The following LEF1 variants were observed in gnomAD, a reference collection of about 807,000 sequenced individuals.
The protein encoded by LEF1 is lymphoid enhancer-binding factor 1.
LEF1 carries 14 observed loss-of-function variants against 51.2 expected under a neutral mutation model. That is an observed-to-expected ratio of 0.27 (90% CI 0.18 to 0.43). The LOEUF (loss-of-function observed/expected upper bound fraction) is 0.43, where lower values mean the gene tolerates loss of function less well. Ranked by LOEUF, LEF1 falls within the 20% of genes least tolerant of loss-of-function variation. LEF1 has a pLI of 1.00. For synonymous variants in LEF1, 185 were observed against 183.2 expected, an observed-to-expected ratio of 1.01 and a Z score of -0.08; for missense variants, 386 against 512.0, an observed-to-expected ratio of 0.75 and a Z score of 2.37.
rs1740654582 is a variant in LEF1, at chr4:108,099,584, A to ATATATATGTG, written c.415-10328_415-10327insCACATATATA. Reference sequence around the variant, plus strand: ...TGTGTGTGTGTGTATATATATATATATATATATATATATATATATATATAT... The same window carrying ATATATATGTG: ...TGTGTGTGTGTGTATATATATATATATATATATGTGTATATATATATATATATATATATAT... On this transcript the variant is annotated intron_variant, in intron 3 of 11. Transcript: ENST00000265165. 3.6e-4 allele frequency among the ~76,000 whole-genome samples: 11 copies of ATATATATGTG among 30,382 alleles called. 1 individual carries two copies. The highest frequency in any genetic ancestry group is 9.7e-4 in the African/African-American group (10 of 10,326). The allele number at this position is 30,382 out of a possible 152,430, so 19.9% of individuals were successfully genotyped here.
intron 11 of LEF1, among the ~76,000 whole-genome samples, chr4:108,055,942 A>G (rs571866280): frequency 1.6e-3 from 241 of 152,216 alleles, no homozygotes; most frequent in African/African-American, 5.6e-3. Context: ...AGATAAAACC[A>G]CCCCAACTAT....
intron 5 of LEF1, among the ~76,000 whole-genome samples, chr4:108,082,274 T>C (rs1206737023): frequency 1.3e-5 from 2 of 152,214 alleles, no homozygotes; most frequent in Non-Finnish European, 2.9e-5. Flanking sequence ...ACAGACTTTA[T>C]TTCCAGCTGC....
chr4:108,125,868 A>C (rs566663112), intron 3 of LEF1, among the ~76,000 whole-genome samples: 1 of 152,306 alleles, frequency 6.6e-6, no homozygotes, highest in East Asian at 1.9e-4. Flanking sequence ...TAAAAAGTAA[A>C]TGTTGTTTTA....
chr4:108,119,134 A>G (rs754283498), intron 3 of LEF1, among the ~76,000 whole-genome samples: 1 of 148,294 alleles, frequency 6.7e-6, no homozygotes, highest in Non-Finnish European at 1.5e-5. Context: ...TATACAGATT[A>G]TAAGTGTAGA....
intron 3 of LEF1, among the ~76,000 whole-genome samples, chr4:108,111,661 T>C (rs1307686792): frequency 6.6e-6 from 1 of 152,030 alleles, no homozygotes; most frequent in Non-Finnish European, 1.5e-5. Context: ...CCTGTAATCC[T>C]AGCACTTTGG....
chr4:108,078,562 A>T, intron 7 of LEF1, 180 bp from the exon 8 acceptor site: 1 of 711,024 alleles, frequency 1.4e-6, no homozygotes, highest in East Asian at 2.6e-5. Context: ...AAACACTGAG[A>T]GGCAAACAAC....
chr4:108,123,219 C>T (rs893297088), intron 3 of LEF1, among the ~76,000 whole-genome samples: 12 of 152,148 alleles, frequency 7.9e-5, no homozygotes, highest in African/African-American at 2.7e-4. Flanking sequence ...TGGGGTCCTT[C>T]GGTCACCCTT....
rs568036253 is a variant in LEF1, at chr4:108,149,220, G to A, written c.414+14348C>T. ...CACGCCTGTAATCCCAGCACTTTGGGAGGCAGAGGCGGGCGGATCATGAGG... is the reference window on the plus strand; with the variant it reads ...CACGCCTGTAATCCCAGCACTTTGGAAGGCAGAGGCGGGCGGATCATGAGG... On this transcript the variant is annotated intron_variant, in intron 3 of 11. Coordinates refer to ENST00000265165, the MANE Select transcript of LEF1 (RefSeq NM_016269.5). Among the ~76,000 whole-genome samples, 6 of 152,082 alleles carry A rather than the reference G, an allele frequency of 3.9e-5. No homozygotes were observed. In the East Asian group the frequency reaches 7.7e-4, roughly 20 times the overall value.
intron 3 of LEF1, among the ~76,000 whole-genome samples, chr4:108,157,229 TATAGCTCTTTCGC>T (rs1744791805): frequency 1.3e-5 from 1 of 79,536 alleles, no homozygotes. Context: ...CAAACACACA[TATAGCTCTTTCGC>T]CCAGGCTGGA....
At chr4:108,069,387 T>C (rs996599216) in intron 9 of LEF1, among the ~76,000 whole-genome samples, 2 of 152,242 alleles carry the variant, frequency 1.3e-5, no homozygotes, top group African/African-American at 4.8e-5. Flanking sequence ...GTCTTTGCCC[T>C]ATCAAGACTA....
At chr4:108,149,442 G>C (rs1744208561) in intron 3 of LEF1, among the ~76,000 whole-genome samples, 1 of 91,206 alleles carries the variant, frequency 1.1e-5, no homozygotes, top group Non-Finnish European at 2.1e-5. Context: ...CTGGGCGACA[G>C]AGCGAGACTC....
intron 3 of LEF1, among the ~76,000 whole-genome samples, chr4:108,116,810 G>A (rs1440856568): frequency 1.3e-5 from 2 of 152,194 alleles, no homozygotes; most frequent in Non-Finnish European, 2.9e-5. Flanking sequence ...GTAAGGTAAG[G>A]ATAATAGGAT....
At chr4:108,054,785 T>C (rs1737214670) in intron 11 of LEF1, among the ~76,000 whole-genome samples, 1 of 152,188 alleles carries the variant, frequency 6.6e-6, no homozygotes, top group East Asian at 1.9e-4. Context: ...AAAGTTAGAT[T>C]CACAAAAACG....
intron 3 of LEF1, among the ~76,000 whole-genome samples, chr4:108,111,256 C>T (rs1216952675): frequency 6.6e-6 from 1 of 152,160 alleles, no homozygotes; most frequent in Non-Finnish European, 1.5e-5. Context: ...TGGCTTTTTT[C>T]CTGAATGTAT....
At chr4:108,088,100 T>C (rs1470297459) in intron 4 of LEF1, among the ~76,000 whole-genome samples, 1 of 152,218 alleles carries the variant, frequency 6.6e-6, no homozygotes, top group Non-Finnish European at 1.5e-5. Flanking sequence ...ACTAAGTCTT[T>C]AAATAAGCAT....
At chr4:108,137,643 A>G (rs1743384226) in intron 3 of LEF1, among the ~76,000 whole-genome samples, 1 of 152,154 alleles carries the variant, frequency 6.6e-6, no homozygotes, top group South Asian at 2.1e-4. Flanking sequence ...TATTCAGAAG[A>G]CTATAATAAT....
At chr4:108,063,923 C>A (rs1316456881) in intron 10 of LEF1, among the ~76,000 whole-genome samples, 1 of 152,034 alleles carries the variant, frequency 6.6e-6, no homozygotes, top group African/African-American at 2.4e-5. Flanking sequence ...TTTTAAAAAA[C>A]CCAAATCACA....
intron 3 of LEF1, among the ~76,000 whole-genome samples, chr4:108,162,010 G>T (rs1398706107): frequency 6.6e-6 from 1 of 152,038 alleles, no homozygotes; most frequent in Non-Finnish European, 1.5e-5. Flanking sequence ...TGTATGTTTT[G>T]TTCAAAAATT....
intron 3 of LEF1, among the ~76,000 whole-genome samples, chr4:108,149,533 CA>C (rs1485180536): frequency 3.0e-5 from 4 of 133,110 alleles, no homozygotes; most frequent in East Asian, 2.1e-4. Flanking sequence ...AAAATAACAA[CA>C]AAAAAACTTT....
Sources: allele counts gnomAD v4.1 joint callset (sites outside exome capture counted in the v4.1 genomes callset), GRCh38; gene constraint gnomAD v4.1.1; transcripts MANE v1.5; gene names NCBI Gene and HGNC (gene_info 2026-07-23, HGNC 2026-07-21).